Variants in CALCR observed in about 807,000 individuals in gnomAD.
CALCR encodes calcitonin receptor.
CALCR carries 47 observed loss-of-function variants against 59.5 expected under a neutral mutation model. The observed-to-expected ratio is 0.79, with a 90% CI of 0.63 to 1.01. CALCR has a LOEUF of 1.01. Ranked by LOEUF, CALCR falls within the 50% of genes least tolerant of loss-of-function variation. The probability of loss-of-function intolerance (pLI) is 0.00; values close to 1 mark genes in which losing one functional copy is unlikely to be tolerated. For synonymous variants in CALCR, 213 were observed against 211.3 expected, an observed-to-expected ratio of 1.01 and a Z score of -0.07; for missense variants, 566 against 597.1, an observed-to-expected ratio of 0.95 and a Z score of 0.54.
At chr7:93,439,540 G>A (rs1378359776) in intron 9 of CALCR, among the ~76,000 whole-genome samples, 1 of 151,930 alleles carries the variant, frequency 6.6e-6, no homozygotes, top group Non-Finnish European at 1.5e-5. Flanking sequence ...ACCTTTTAAC[G>A]CCCAGGGCTC....
Position 93,468,816 on chromosome 7 carries a change from CA to C in CALCR, c.430-11del. ...ACAGAACATATGCATTCTGGAACAA[CA>C]AAAAGTAAACAAACAAACAATGAAT... On this transcript the variant is annotated splice_polypyrimidine_tract_variant and intron_variant, in intron 6 of 13. Coordinates refer to ENST00000426151, the MANE Select transcript of CALCR (RefSeq NM_001742.4). 1 of 1,088,628 alleles carries C rather than the reference CA, an allele frequency of 9.2e-7. No homozygotes were observed. Among genetic ancestry groups the C allele is most frequent in the Non-Finnish European group, 1.3e-6 (1 of 765,878 alleles). 67.4% of individuals were successfully genotyped at this position (1,088,628 alleles called of 1,614,324 possible). A position where few individuals can be genotyped will look rare whatever the true frequency, so the allele number is the denominator to read the frequency against.
At chr7:93,500,079 C>T (rs1439409681) in intron 2 of CALCR, among the ~76,000 whole-genome samples, 3 of 151,792 alleles carry the variant, frequency 2.0e-5, no homozygotes, top group East Asian at 1.9e-4. Flanking sequence ...CAAAAGAAAA[C>T]CTACTGAATG....
intron 2 of CALCR, among the ~76,000 whole-genome samples, chr7:93,515,278 A>C (rs1183562261): frequency 6.6e-6 from 1 of 151,986 alleles, no homozygotes; most frequent in Non-Finnish European, 1.5e-5. Flanking sequence ...AATTTGTAGG[A>C]GTTCTGAAGC....
chr7:93,488,582 GA>G (rs1554401502), intron 2 of CALCR, among the ~76,000 whole-genome samples: 3,729 of 78,082 alleles, frequency 0.048, 177 homozygotes, highest in African/African-American at 0.15. Context: ...CAAATGGAAA[GA>G]AAAAAAAAAA....
intron 13 of CALCR, among the ~76,000 whole-genome samples, chr7:93,432,174 A>T (rs186363419): frequency 6.6e-6 from 1 of 152,362 alleles, no homozygotes; most frequent in African/African-American, 2.4e-5. Flanking sequence ...TTCAAAAATG[A>T]AATAATAATT....
chr7:93,499,080 A>G (rs1007722737), intron 2 of CALCR, among the ~76,000 whole-genome samples: 1 of 151,688 alleles, frequency 6.6e-6, no homozygotes, highest in Non-Finnish European at 1.5e-5. Context: ...CAACTGGACT[A>G]TAATTAAAGG....
chr7:93,437,625 T>C (rs1799807120), intron 11 of CALCR, among the ~76,000 whole-genome samples: 1 of 151,978 alleles, frequency 6.6e-6, no homozygotes, highest in Non-Finnish European at 1.5e-5. Flanking sequence ...TATTTATTAC[T>C]AACTCACTAA....
intron 7 of CALCR, among the ~76,000 whole-genome samples, chr7:93,464,456 C>A (rs1800401381): frequency 6.6e-6 from 1 of 151,840 alleles, no homozygotes; most frequent in Non-Finnish European, 1.5e-5. Context: ...TTTTAGTTTT[C>A]ATTTACCTAG....
chr7:93,443,832 A>G, intron 8 of CALCR, 75 bp from the exon 9 acceptor site: 1 of 1,335,814 alleles, frequency 7.5e-7, no homozygotes, highest in Non-Finnish European at 1.1e-6. Flanking sequence ...GCAAATGTGA[A>G]AACAAGCCAA....
chr7:93,462,032 T>A (rs1189453065), intron 7 of CALCR: 5 of 1,265,762 alleles, frequency 4.0e-6, no homozygotes, highest in Non-Finnish European at 5.5e-6. Context: ...TGGGGAAAGA[T>A]GAAATACAAA....
At chr7:93,430,157 A>C (rs970078566) in intron 13 of CALCR, among the ~76,000 whole-genome samples, 1 of 151,912 alleles carries the variant, frequency 6.6e-6, no homozygotes, top group Non-Finnish European at 1.5e-5. Flanking sequence ...GGATGGTCTC[A>C]ATCTCCTGAC....
rs78418348 is a variant in CALCR at position 93,467,124 on chromosome 7, CATG to C, written c.521+1588_521+1590del. On this transcript the variant is annotated intron_variant, in intron 7 of 13. Coordinates refer to ENST00000426151, the MANE Select transcript of CALCR (RefSeq NM_001742.4). Reference sequence around the variant, plus strand: ...TTTAAAATAAAAGTTGTTTGAGAACCATGATGATGTGTTTATTTACCATAATGA... The same window carrying C: ...TTTAAAATAAAAGTTGTTTGAGAACCATGATGTGTTTATTTACCATAATGA... Among the ~76,000 whole-genome samples, 7 of 151,524 alleles carry C rather than the reference CATG, an allele frequency of 4.6e-5. No homozygotes were observed. The East Asian group carries it at 1.4e-3, about 29-fold the overall frequency.
chr7:93,426,169 C>T lies in CALCR; in HGVS notation c.*187G>A, dbSNP rs1799521342. 1.4e-5 allele frequency: 8 copies of T among 554,058 alleles called. No individual in the cohort carries two copies. In the Admixed American group the frequency reaches 2.6e-4, roughly 18 times the overall value. The allele number at this position is 554,058 out of a possible 1,614,324, so 34.3% of individuals were successfully genotyped here. A position where few individuals can be genotyped will look rare whatever the true frequency, so the allele number is the denominator to read the frequency against. ...CAAGTTGCAGTGGGAGACTCCATTC[C>T]TAGACTGTCTCCCAAAGCAACAGTA... On this transcript the variant is annotated 3_prime_UTR_variant, in exon 14 of 14. Coordinates refer to ENST00000426151, the MANE Select transcript of CALCR (RefSeq NM_001742.4).
chr7:93,437,019 G>T (rs928958304), intron 11 of CALCR, among the ~76,000 whole-genome samples: 3 of 119,162 alleles, frequency 2.5e-5, no homozygotes, highest in Non-Finnish European at 5.2e-5. Context: ...CTTGTTAATT[G>T]TTGAATCTTT....
chr7:93,466,272 A>G (rs1800438976), intron 7 of CALCR, among the ~76,000 whole-genome samples: 2 of 151,880 alleles, frequency 1.3e-5, no homozygotes, highest in South Asian at 4.1e-4. Flanking sequence ...GGTGATGGTG[A>G]TGTAGAGTAT....
At chr7:93,508,347 A>ATACT (rs1563001606) in intron 2 of CALCR, among the ~76,000 whole-genome samples, 1 of 152,232 alleles carries the variant, frequency 6.6e-6, no homozygotes, top group Non-Finnish European at 1.5e-5. Context: ...CTACACTCTC[A>ATACT]AAACTGTGGC....
At chr7:93,435,845 A>C in intron 12 of CALCR, 107 bp downstream of exon 12, 1 of 408,374 alleles carries the variant, frequency 2.4e-6, no homozygotes, top group Non-Finnish European at 4.3e-6. Context: ...TAAATAAATA[A>C]ATAAACAAAT....
At chr7:93,468,868 T>C (rs1800494773) in intron 6 of CALCR, 62 bp from the exon 7 acceptor site, 4 of 868,152 alleles carry the variant, frequency 4.6e-6, no homozygotes, top group Non-Finnish European at 5.2e-6. Flanking sequence ...GAGAAAATCA[T>C]TTCTATTTCT....
chr7:93,445,942 A>G (rs1311907218), intron 8 of CALCR, among the ~76,000 whole-genome samples: 1 of 152,036 alleles, frequency 6.6e-6, no homozygotes, highest in East Asian at 1.9e-4. Flanking sequence ...CAAAAAGGAC[A>G]TTTGTTCGTA....
Sources: gnomAD v4.1 joint callset for allele counts (sites outside exome capture counted in the v4.1 genomes callset) on GRCh38, gnomAD v4.1.1 for gene constraint, MANE v1.5 for transcripts, NCBI Gene and HGNC (gene_info 2026-07-23, HGNC 2026-07-21) for gene names.